Variants in GOLGA7 observed in about 807,000 individuals in gnomAD.
The protein encoded by GOLGA7 is golgin subfamily A member 7.
Under a neutral mutation model 21.1 loss-of-function variants are expected in GOLGA7, and 10 were observed. That is an observed-to-expected ratio of 0.47 (90% CI 0.29 to 0.80). The LOEUF is 0.80. Ranked by LOEUF, GOLGA7 falls within the 30% of genes least tolerant of loss-of-function variation. The pLI, the probability that GOLGA7 is intolerant of heterozygous loss-of-function variation, is 0.08. For missense variants in GOLGA7, 114 were observed against 166.8 expected (o/e 0.68, Z 1.74); for synonymous variants, 64 against 62.6 (o/e 1.02, Z -0.10).
rs1330445348 is a variant in GOLGA7, at chr8:41,490,788, A to G, written c.-67A>G. 4 of 863,718 alleles carry G rather than the reference A, an allele frequency of 4.6e-6. No individual in the cohort carries two copies. Among genetic ancestry groups the G allele is most frequent in the Non-Finnish European group, 7.4e-6 (4 of 539,412 alleles). The allele number at this position is 863,718 out of a possible 1,614,324, so 53.5% of individuals were successfully genotyped here. On this transcript the variant is annotated 5_prime_UTR_variant, in exon 1 of 5. Coordinates refer to ENST00000357743, the MANE Select transcript of GOLGA7 (RefSeq NM_001002296.2). Reference sequence around the variant, plus strand: ...GCTGGCGGGTCAGAGTCCCGGGTCCAGGCCGGGGCTCTGACTCGCGGTTGG... The same window carrying G: ...GCTGGCGGGTCAGAGTCCCGGGTCCGGGCCGGGGCTCTGACTCGCGGTTGG...
At chr8:41,507,353 T>G (rs554848428) in intron 4 of GOLGA7, among the ~76,000 whole-genome samples, 3 of 152,318 alleles carry the variant, frequency 2.0e-5, no homozygotes, top group African/African-American at 4.8e-5. Flanking sequence ...TGCTGTATTG[T>G]GTTCAGACTG....
chr8:41,506,796 C>G (rs543506888), intron 3 of GOLGA7, among the ~76,000 whole-genome samples: 4 of 152,272 alleles, frequency 2.6e-5, no homozygotes, highest in African/African-American at 9.6e-5. Flanking sequence ...ACAAATAAAG[C>G]ATCGTTTTCA....
At chr8:41,498,831 T>G (rs1806081822) in intron 2 of GOLGA7, among the ~76,000 whole-genome samples, 1 of 152,328 alleles carries the variant, frequency 6.6e-6, no homozygotes, top group Admixed American at 6.5e-5. Flanking sequence ...AGGCACTCAT[T>G]GAATGTATGT....
chr8:41,496,528 T>C (rs1481687387), intron 1 of GOLGA7, among the ~76,000 whole-genome samples: 5 of 152,182 alleles, frequency 3.3e-5, no homozygotes, highest in Admixed American at 2.6e-4. Flanking sequence ...AAAAATTGTT[T>C]ATTAGCTTGA....
At chr8:41,503,314 C>T (rs1487146928) in intron 2 of GOLGA7, among the ~76,000 whole-genome samples, 2 of 143,266 alleles carry the variant, frequency 1.4e-5, no homozygotes, top group Non-Finnish European at 3.0e-5. Flanking sequence ...GGATATTAGC[C>T]CTTTGTCAGA....
chr8:41,504,132 A>AAC lies in GOLGA7; in HGVS notation c.265-1778_265-1777insCA, dbSNP rs1554540020. 1.8e-3 allele frequency among the ~76,000 whole-genome samples: 242 copies of AAC among 131,108 alleles called. 2 individuals are homozygous for AAC. Among genetic ancestry groups the AAC allele is most frequent in the African/African-American group, 6.9e-3 (225 of 32,846 alleles). The allele number at this position is 131,108 out of a possible 152,430, so 86.0% of individuals were successfully genotyped here. On this transcript the variant is annotated intron_variant, in intron 2 of 4. Transcript: ENST00000357743. ...ACTTAGAGTATAATAAAAAAAAAAA[A>AAC]AAAACAAAACAAAACAAAAAAAAAA...
chr8:41,491,060 C>T (rs1165989303), intron 1 of GOLGA7, 95 bp downstream of exon 1: 1 of 757,176 alleles, frequency 1.3e-6, no homozygotes, highest in Admixed American at 2.1e-5. Context: ...TTTGAGGGTC[C>T]CGCAGTTCTG....
rs1227795937 is a variant in GOLGA7, at chr8:41,490,863, G to A, written c.9G>A (p.Pro3=). 2.5e-6 allele frequency: 4 copies of A among 1,588,838 alleles called. No homozygotes were observed. Among genetic ancestry groups the A allele is most frequent in the Admixed American group, 3.5e-5 (2 of 57,278 alleles). The change falls in exon 1 of 5, where the codon CCG becomes CCA. Residue 3 remains proline (P), a synonymous_variant. Transcript: ENST00000357743. The part of the protein sequence containing the change: MR[P]QQAPVSGKVF... ...GGTGTCCTGTCCTCGCCATGAGGCC[G>A]CAGCAGGCGCCGGTGTCCGGAAAGG... is the stretch of plus-strand genomic sequence containing the variant.
intron 1 of GOLGA7, among the ~76,000 whole-genome samples, chr8:41,495,785 A>G (rs1357566598): frequency 6.6e-6 from 1 of 152,212 alleles, no homozygotes; most frequent in Non-Finnish European, 1.5e-5. Context: ...GTGCAGACAG[A>G]TAAGAATGGC....
rs745498661 is a variant in GOLGA7, at chr8:41,507,053, G to A, written c.367-6G>A. 1 of 1,305,442 alleles carries A rather than the reference G, an allele frequency of 7.7e-7. No homozygotes were observed. The highest frequency in any genetic ancestry group is 1.2e-5 in the South Asian group (1 of 84,868). The allele number at this position is 1,305,442 out of a possible 1,614,324, so 80.9% of individuals were successfully genotyped here. A position where few individuals can be genotyped will look rare whatever the true frequency, so the allele number is the denominator to read the frequency against. ...AGTGTGTTTTCTTAACAGCCATGCT[G>A]TTTAGATTGAAATTACCATTTATGA... On this transcript the variant is annotated splice_polypyrimidine_tract_variant and splice_region_variant and intron_variant, in intron 3 of 4. Transcript: ENST00000357743.
chr8:41,505,134 T>C (rs1446989790), intron 2 of GOLGA7, among the ~76,000 whole-genome samples: 3 of 152,250 alleles, frequency 2.0e-5, no homozygotes, highest in Admixed American at 6.5e-5. Context: ...TGTCTCAGAA[T>C]TGCCTTTATT....
chr8:41,497,425 G>A, intron 1 of GOLGA7, 84 bp from the exon 2 acceptor site: 1 of 772,842 alleles, frequency 1.3e-6, no homozygotes, highest in Non-Finnish European at 2.0e-6. Flanking sequence ...AGAATGGTGA[G>A]AAAACAAGAT....
chr8:41,497,451 T>C (rs1806046190), intron 1 of GOLGA7, 58 bp from the exon 2 acceptor site: 2 of 875,600 alleles, frequency 2.3e-6, no homozygotes, highest in South Asian at 1.8e-5. Context: ...AATGATAGCA[T>C]GCATTAGTTG....
intron 1 of GOLGA7, among the ~76,000 whole-genome samples, chr8:41,493,269 C>T (rs1408593711): frequency 6.6e-6 from 1 of 152,182 alleles, no homozygotes. Flanking sequence ...TTCTCTACTA[C>T]TTACCCTAGA....
chr8:41,502,410 A>C (rs1806170899), intron 2 of GOLGA7, among the ~76,000 whole-genome samples: 1 of 152,268 alleles, frequency 6.6e-6, no homozygotes. Context: ...TTGAAATTGT[A>C]AATAGGCCTT....
At chr8:41,496,706 A>T (rs1297413692) in intron 1 of GOLGA7, among the ~76,000 whole-genome samples, 3 of 146,146 alleles carry the variant, frequency 2.1e-5, no homozygotes, top group Non-Finnish European at 4.5e-5. Flanking sequence ...TCAATTTAAG[A>T]TTACCTGCCC....
intron 4 of GOLGA7, among the ~76,000 whole-genome samples, chr8:41,507,842 G>A (rs1230943043): frequency 6.6e-6 from 1 of 152,148 alleles, no homozygotes; most frequent in African/African-American, 2.4e-5. Flanking sequence ...TTCTGCTGCT[G>A]CGCTTTTCTA....
At position 41,497,622 on chromosome 8, in the gene GOLGA7, A is replaced by G. The variant is rs372071364; in HGVS notation, c.225A>G (p.Ala75=). ...YLEGCLACLT[A]YTIFLCMETH... is the part of the protein sequence containing the mutation. The stretch of plus-strand genomic sequence containing the variant: ...AAGGTTGTTTGGCTTGTTTAACAGC[A>G]TATACCATCTTCCTATGCATGGAAA... The change falls in exon 2 of 5, where the codon GCA becomes GCG. Residue 75 remains alanine (A), a synonymous_variant. Transcript: ENST00000357743. 3.8e-6 allele frequency: 6 copies of G among 1,574,612 alleles called. No individual in the cohort carries two copies. The African/African-American group carries it at 6.7e-5, about 18-fold the overall frequency.
chr8:41,495,592 T>C (rs1310387645), intron 1 of GOLGA7, among the ~76,000 whole-genome samples: 3 of 151,758 alleles, frequency 2.0e-5, no homozygotes, highest in South Asian at 2.1e-4. Context: ...CTGATTTTTT[T>C]TTTTCTGAGT....
Sources: allele counts gnomAD v4.1 joint callset (sites outside exome capture counted in the v4.1 genomes callset), GRCh38; gene constraint gnomAD v4.1.1; transcripts MANE v1.5; gene names NCBI Gene and HGNC (gene_info 2026-07-23, HGNC 2026-07-21).